HS6ST3: variants seen among roughly 807,000 people sequenced by gnomAD.
The protein encoded by HS6ST3 is heparan sulfate 6-O-sulfotransferase 3, also known as heparan-sulfate 6-O-sulfotransferase 3.
Under a neutral mutation model 36.7 loss-of-function variants are expected in HS6ST3, and 12 were observed. The observed-to-expected ratio is 0.33, with a 90% CI of 0.21 to 0.53. The LOEUF (loss-of-function observed/expected upper bound fraction) is 0.53, where lower values mean the gene tolerates loss of function less well. Ranked by LOEUF, HS6ST3 falls within the 20% of genes least tolerant of loss-of-function variation. The probability of loss-of-function intolerance (pLI) is 0.95; values close to 1 mark genes in which losing one functional copy is unlikely to be tolerated. For synonymous variants in HS6ST3, 240 were observed against 257.5 expected (o/e 0.93, Z 0.65); for missense variants, 584 against 640.9 (o/e 0.91, Z 0.96).
At chr13:96,500,243 T>C (rs1016913654) in intron 1 of HS6ST3, among the ~76,000 whole-genome samples, 1 of 152,190 alleles carries the variant, frequency 6.6e-6, no homozygotes, top group Non-Finnish European at 1.5e-5. Flanking sequence ...TCATCCATGT[T>C]GTAGCAGGTA....
chr13:96,743,667 C>G (rs1466846207), intron 1 of HS6ST3, among the ~76,000 whole-genome samples: 1 of 152,000 alleles, frequency 6.6e-6, no homozygotes, highest in Non-Finnish European at 1.5e-5. Context: ...AACCAAAACA[C>G]AGCTTGTGGT....
chr13:96,672,099 T>TA (rs2056684567), intron 1 of HS6ST3, among the ~76,000 whole-genome samples: 1 of 152,150 alleles, frequency 6.6e-6, no homozygotes, highest in Non-Finnish European at 1.5e-5. Flanking sequence ...CTCAGACTGC[T>TA]ATTAATTTTC....
chr13:96,271,718 T>C (rs1231637602), intron 1 of HS6ST3, among the ~76,000 whole-genome samples: 1 of 152,014 alleles, frequency 6.6e-6, no homozygotes, highest in East Asian at 1.9e-4. Context: ...TCTCCCAATC[T>C]CAGTGGGAAT....
intron 1 of HS6ST3, among the ~76,000 whole-genome samples, chr13:96,403,935 A>T (rs2055464048): frequency 6.6e-6 from 1 of 152,180 alleles, no homozygotes; most frequent in Non-Finnish European, 1.5e-5. Flanking sequence ...GGCAGATTGG[A>T]TGAGTAATTG....
intron 1 of HS6ST3, among the ~76,000 whole-genome samples, chr13:96,372,298 G>T (rs1474880938): frequency 1.3e-5 from 2 of 152,084 alleles, no homozygotes; most frequent in East Asian, 1.9e-4. Flanking sequence ...TGTCTATTTA[G>T]TTCCTTTGCC....
At chr13:96,597,043 A>G (rs1392457760) in intron 1 of HS6ST3, among the ~76,000 whole-genome samples, 3 of 152,182 alleles carry the variant, frequency 2.0e-5, no homozygotes, top group Non-Finnish European at 2.9e-5. Flanking sequence ...TTGGAGGGAC[A>G]TGGATAGAGT....
At chr13:96,390,789 G>A (rs1460265537) in intron 1 of HS6ST3, among the ~76,000 whole-genome samples, 1 of 152,112 alleles carries the variant, frequency 6.6e-6, no homozygotes, top group East Asian at 1.9e-4. Flanking sequence ...TATCACCTCT[G>A]GGTAGATGCT....
In HS6ST3 at chr13:96,090,942, C is replaced by T. The variant is rs746053200; in HGVS notation, c.80C>T (p.Ser27Phe). 4 of 1,480,892 alleles carry T rather than the reference C, an allele frequency of 2.7e-6. No homozygotes were observed. The South Asian group carries it at 5.3e-5, about 19-fold the overall frequency. The allele number at this position is 1,480,892 out of a possible 1,614,324, so 91.7% of individuals were successfully genotyped here. ...GTGGTCATCATGTACCAGTACGTGT[C>T]CCCCTCCTGCACCAGCTCCTGCACC... ...LFVVIMYQYV[S>F]PSCTSSCTNF... The change falls in exon 1 of 2, where the codon TCC becomes TTC. Residue 27 changes from serine to phenylalanine, a missense_variant. By Grantham distance (155) the Ser-to-Phe change is radical. This residue lies in a region of HS6ST3 where 217 missense variants were observed against 205.4 expected (regional missense o/e 1.06). Transcript: ENST00000376705.
At chr13:96,699,439 T>C (rs1875225986) in intron 1 of HS6ST3, among the ~76,000 whole-genome samples, 3 of 152,126 alleles carry the variant, frequency 2.0e-5, no homozygotes, top group Non-Finnish European at 4.4e-5. Flanking sequence ...GGGTGAAGGA[T>C]ATGAACAGAC....
chr13:96,254,795 C>T (rs1175051655), intron 1 of HS6ST3, among the ~76,000 whole-genome samples: 1 of 151,642 alleles, frequency 6.6e-6, no homozygotes, highest in Non-Finnish European at 1.5e-5. Flanking sequence ...AGCCTTTTTG[C>T]CTAAAAGGAA....
intron 1 of HS6ST3, among the ~76,000 whole-genome samples, chr13:96,149,865 G>A (rs1228864227): frequency 6.6e-6 from 1 of 152,164 alleles, no homozygotes; most frequent in East Asian, 1.9e-4. Flanking sequence ...AGATATCTGA[G>A]AATGACTCAA....
intron 1 of HS6ST3, among the ~76,000 whole-genome samples, chr13:96,482,286 A>G (rs923012175): frequency 2.0e-5 from 3 of 152,078 alleles, no homozygotes; most frequent in African/African-American, 4.8e-5. Flanking sequence ...AGGTCTGTCA[A>G]TCTGCTTTCT....
intron 1 of HS6ST3, among the ~76,000 whole-genome samples, chr13:96,562,815 C>A (rs958263349): frequency 6.6e-6 from 1 of 151,940 alleles, no homozygotes; most frequent in Non-Finnish European, 1.5e-5. Context: ...GATCTAGGAG[C>A]CCTCCATGGA....
intron 1 of HS6ST3, among the ~76,000 whole-genome samples, chr13:96,322,479 C>G (rs1470396735): frequency 6.6e-6 from 1 of 151,810 alleles, no homozygotes; most frequent in Non-Finnish European, 1.5e-5. Context: ...ATGGCTTGAG[C>G]CTGGGAGGCG....
intron 1 of HS6ST3, among the ~76,000 whole-genome samples, chr13:96,614,171 G>C (rs898056980): frequency 6.6e-6 from 1 of 151,584 alleles, no homozygotes; most frequent in African/African-American, 2.4e-5. Flanking sequence ...GGTGATGGGC[G>C]CCTGTAGTCC....
intron 1 of HS6ST3, among the ~76,000 whole-genome samples, chr13:96,373,454 C>G (rs9516670): frequency 0.84 from 127,829 of 152,178 alleles, 54,113 homozygotes; most frequent in South Asian, 0.91. Context: ...AAAGGATTTT[C>G]GTGATGTATC....
intron 1 of HS6ST3, among the ~76,000 whole-genome samples, chr13:96,770,684 A>C (rs1181156708): frequency 6.6e-6 from 1 of 152,236 alleles, no homozygotes; most frequent in Non-Finnish European, 1.5e-5. Flanking sequence ...TAATTATTGG[A>C]TAGTAACCAC....
intron 1 of HS6ST3, among the ~76,000 whole-genome samples, chr13:96,249,598 A>G (rs545715730): frequency 1.3e-5 from 2 of 152,304 alleles, no homozygotes; most frequent in African/African-American, 4.8e-5. Flanking sequence ...TGCAGTATGA[A>G]TGACTTCGTC....
At chr13:96,345,627 C>A (rs1474505249) in intron 1 of HS6ST3, among the ~76,000 whole-genome samples, 1 of 152,126 alleles carries the variant, frequency 6.6e-6, no homozygotes, top group Non-Finnish European at 1.5e-5. Flanking sequence ...CAATCCCCAA[C>A]CTATTTGGCA....
Sources: gnomAD v4.1 joint callset for allele counts (sites outside exome capture counted in the v4.1 genomes callset) on GRCh38, gnomAD v4.1.1 for gene constraint, gnomAD v4.1.1 regional missense constraint, MANE v1.5 for transcripts, NCBI Gene and HGNC (gene_info 2026-07-23, HGNC 2026-07-21) for gene names.